The following COL22A1 variants were observed in gnomAD, a reference collection of about 807,000 sequenced individuals.
COL22A1 encodes collagen alpha-1(XXII) chain.
In COL22A1, 221 loss-of-function variants were observed where a neutral mutation model predicts 248.9. The ratio of observed to expected loss-of-function variants is 0.89; its 90% confidence interval spans 0.80 to 0.99. COL22A1 has a LOEUF of 0.99. COL22A1 is among the 50% of genes least tolerant of loss of function. The probability of loss-of-function intolerance (pLI) is 0.00; values close to 1 mark genes in which losing one functional copy is unlikely to be tolerated. For missense variants in COL22A1, 2,240 were observed against 2,179.0 expected (o/e 1.03, Z -0.56); for synonymous variants, 891 against 793.4 (o/e 1.12, Z -2.07).
At chr8:138,714,920 C>A (rs574559801) in intron 30 of COL22A1, among the ~76,000 whole-genome samples, 1 of 152,094 alleles carries the variant, frequency 6.6e-6, no homozygotes, top group Non-Finnish European at 1.5e-5. Flanking sequence ...TTGCTCAGCT[C>A]GTTCTTCACA....
At chr8:138,741,465 T>G (rs1312706316) in intron 22 of COL22A1, among the ~76,000 whole-genome samples, 3 of 152,258 alleles carry the variant, frequency 2.0e-5, no homozygotes, top group Non-Finnish European at 1.5e-5. Flanking sequence ...TTTAACTTGC[T>G]GAGTCTTTGT....
chr8:138,681,956 C>T lies in COL22A1; in HGVS notation c.3013-2280G>A, dbSNP rs375936036. On this transcript the variant is annotated intron_variant, in intron 39 of 64. Transcript: ENST00000303045. ...TGGGATGTTTACAGAGGTCACCTCA[C>T]CTGCTTGAATAAGGGGAAACCATGA... Among the ~76,000 whole-genome samples, 10 of 152,260 alleles carry T rather than the reference C, an allele frequency of 6.6e-5. No homozygotes were observed. In the East Asian group the frequency reaches 1.2e-3, roughly 18 times the overall value.
chr8:138,795,230 T>C (rs980753063), intron 12 of COL22A1, among the ~76,000 whole-genome samples: 2 of 152,210 alleles, frequency 1.3e-5, no homozygotes, highest in African/African-American at 2.4e-5. Flanking sequence ...TCAAAACTGA[T>C]GGCAGAGCCA....
chr8:138,883,739 T>TGTAA (rs3074127), intron 1 of COL22A1, among the ~76,000 whole-genome samples: 20,427 of 152,158 alleles, frequency 0.13, 1,383 homozygotes, highest in African/African-American at 0.17. Context: ...CCTGCCACCA[T>TGTAA]GTAAGAAGCA....
intron 7 of COL22A1, among the ~76,000 whole-genome samples, chr8:138,814,396 G>A (rs1159037403): frequency 6.6e-6 from 1 of 152,184 alleles, no homozygotes; most frequent in African/African-American, 2.4e-5. Context: ...CAGGTCATAA[G>A]AAGACTGGCT....
At chr8:138,767,210 G>A (rs921312337) in intron 16 of COL22A1, among the ~76,000 whole-genome samples, 9 of 152,310 alleles carry the variant, frequency 5.9e-5, no homozygotes, top group African/African-American at 1.7e-4. Flanking sequence ...TGGAAGGTGC[G>A]CATTAACAGT....
chr8:138,667,953 A>G (rs951313781), intron 41 of COL22A1, among the ~76,000 whole-genome samples: 1 of 152,040 alleles, frequency 6.6e-6, no homozygotes, highest in Non-Finnish European at 1.5e-5. Flanking sequence ...GAACACATTG[A>G]GCTATTACAT....
chr8:138,849,064 C>A (rs111868932), intron 3 of COL22A1, among the ~76,000 whole-genome samples: 1 of 152,280 alleles, frequency 6.6e-6, no homozygotes, highest in South Asian at 2.1e-4. Context: ...CCAGTTCCTC[C>A]GCTGCTCCGA....
intron 27 of COL22A1, among the ~76,000 whole-genome samples, chr8:138,718,925 A>T (rs530762162): frequency 6.6e-6 from 1 of 152,212 alleles, no homozygotes; most frequent in Non-Finnish European, 1.5e-5. Flanking sequence ...TAATTGTCGT[A>T]ATCAATCCCC....
chr8:138,872,519 C>T (rs1823416904), intron 3 of COL22A1, among the ~76,000 whole-genome samples: 1 of 152,224 alleles, frequency 6.6e-6, no homozygotes. Flanking sequence ...AGCTGGCATT[C>T]CACAGGCTCA....
chr8:138,806,712 T>C (rs1321438647), intron 10 of COL22A1, among the ~76,000 whole-genome samples: 8 of 152,246 alleles, frequency 5.3e-5, no homozygotes, highest in African/African-American at 1.9e-4. Flanking sequence ...AGCCCTGAGC[T>C]CACAGCAGCG....
intron 50 of COL22A1, 93 bp downstream of exon 50, chr8:138,630,602 G>T: frequency 9.9e-7 from 1 of 1,012,184 alleles, no homozygotes; most frequent in Non-Finnish European, 1.6e-6. Context: ...GCCACAGGAG[G>T]CACACAGGAC....
intron 1 of COL22A1, among the ~76,000 whole-genome samples, chr8:138,900,610 T>C (rs926765878): frequency 6.6e-6 from 1 of 152,258 alleles, no homozygotes; most frequent in Admixed American, 6.5e-5. Flanking sequence ...CTGTGTATTC[T>C]TGAGACAATG....
Position 138,766,768 on chromosome 8 carries a change from C to T in COL22A1, c.1804-4302G>A, listed in dbSNP as rs540783303. ...CAGAGTGCGGTCTCAAGCTGAAATG[C>T]CTGCCACAGCATCTGGGACAGGCAG... On this transcript the variant is annotated intron_variant, in intron 16 of 64. Coordinates refer to ENST00000303045, the MANE Select transcript of COL22A1 (RefSeq NM_152888.3). Among the ~76,000 whole-genome samples, 20 of 152,272 alleles carry T rather than the reference C, an allele frequency of 1.3e-4. No homozygotes were observed. The South Asian group carries it at 3.7e-3, about 28-fold the overall frequency.
intron 44 of COL22A1, among the ~76,000 whole-genome samples, chr8:138,658,883 T>TTC (rs1587788550): frequency 6.6e-6 from 1 of 151,612 alleles, no homozygotes; most frequent in Non-Finnish European, 1.5e-5. Flanking sequence ...CTCTTCTCTC[T>TTC]TCTCTCTCTC....
At chr8:138,710,196 G>A (rs762081486) in intron 30 of COL22A1, among the ~76,000 whole-genome samples, 6 of 152,182 alleles carry the variant, frequency 3.9e-5, no homozygotes, top group South Asian at 2.1e-4. Flanking sequence ...TAAGGAGTAC[G>A]GTGTTATTAC....
chr8:138,874,990 T>A (rs1823603819), intron 3 of COL22A1, among the ~76,000 whole-genome samples: 1 of 152,104 alleles, frequency 6.6e-6, no homozygotes, highest in South Asian at 2.1e-4. Context: ...CCCTTGTTGA[T>A]CTCACCCTCC....
intron 22 of COL22A1, among the ~76,000 whole-genome samples, 167 bp downstream of exon 22, chr8:138,751,291 T>C (rs1832578739): frequency 6.6e-6 from 1 of 152,212 alleles, no homozygotes; most frequent in African/African-American, 2.4e-5. Context: ...GAACACATAG[T>C]AGAACCTCAA....
At chr8:138,696,909 GC>G (rs1827553233) in intron 32 of COL22A1, among the ~76,000 whole-genome samples, 1 of 152,176 alleles carries the variant, frequency 6.6e-6, no homozygotes, top group Non-Finnish European at 1.5e-5. Flanking sequence ...GTGGGGATTT[GC>G]AAGTCTTTTT....
Sources: allele counts gnomAD v4.1 joint callset (sites outside exome capture counted in the v4.1 genomes callset), GRCh38; gene constraint gnomAD v4.1.1; transcripts MANE v1.5; gene names NCBI Gene and HGNC (gene_info 2026-07-23, HGNC 2026-07-21).